Variants in FRMPD4 observed in about 807,000 individuals in gnomAD.
FRMPD4 encodes FERM and PDZ domain-containing protein 4.
In FRMPD4, 22 loss-of-function variants were observed where a neutral mutation model predicts 94.1. The observed-to-expected ratio is 0.23, with a 90% CI of 0.17 to 0.33. The LOEUF is 0.33. Among genes scored for constraint, FRMPD4 ranks in the 10% least tolerant of loss-of-function variants. FRMPD4 has a pLI of 1.00. For synonymous variants in FRMPD4, 631 were observed against 548.6 expected (o/e 1.15, Z -2.10); for missense variants, 1,111 against 1,339.9 (o/e 0.83, Z 2.67).
chrX:11,874,264 C>T (rs2053771348), intron 2 of FRMPD4, among the ~76,000 whole-genome samples: 1 of 112,055 alleles, frequency 8.9e-6, no homozygotes, highest in Non-Finnish European at 1.9e-5. Context: ...GATCCTCCTG[C>T]CACAGCCCCT....
intron 1 of FRMPD4, among the ~76,000 whole-genome samples, chrX:12,450,170 A>AAATC (rs988056761): frequency 2.7e-5 from 3 of 111,152 alleles, no homozygotes; most frequent in Non-Finnish European, 3.8e-5. Flanking sequence ...TAATAAAAAG[A>AAATC]AATCATAGGG....
intron 1 of FRMPD4, among the ~76,000 whole-genome samples, chrX:11,827,605 A>G (rs891804684): frequency 2.7e-5 from 3 of 111,607 alleles, no homozygotes; most frequent in African/African-American, 9.8e-5. Context: ...ACTTCCAATC[A>G]CAACTGGATA....
intron 3 of FRMPD4, among the ~76,000 whole-genome samples, chrX:12,035,176 A>T (rs2054713798): frequency 1.8e-5 from 2 of 112,226 alleles, no homozygotes; most frequent in Non-Finnish European, 3.8e-5. Flanking sequence ...GTGATTCTCA[A>T]TGTAGGAAAT....
At chrX:12,554,675 G>A (rs1011160378) in intron 2 of FRMPD4, among the ~76,000 whole-genome samples, 4 of 111,579 alleles carry the variant, frequency 3.6e-5, no homozygotes, top group African/African-American at 1.3e-4. Context: ...ACAGTGGCAC[G>A]ATCAATAACT....
chrX:11,857,268 G>A (rs1156269164), intron 1 of FRMPD4, among the ~76,000 whole-genome samples: 2 of 111,314 alleles, frequency 1.8e-5, no homozygotes, highest in East Asian at 5.6e-4. Context: ...TAAGCAAAAA[G>A]AACAAAGCTG....
At chrX:12,040,080 C>T (rs2054744573) in intron 3 of FRMPD4, among the ~76,000 whole-genome samples, 1 of 110,364 alleles carries the variant, frequency 9.1e-6, no homozygotes, top group Non-Finnish European at 1.9e-5. Flanking sequence ...TCGTCTAAGT[C>T]TTCTACATCT....
intron 3 of FRMPD4, among the ~76,000 whole-genome samples, chrX:12,063,046 C>T (rs1047335939): frequency 8.9e-6 from 1 of 111,916 alleles, no homozygotes; most frequent in Non-Finnish European, 1.9e-5. Context: ...GTGATGTTTA[C>T]CATAGATTTC....
chrX:12,443,929 T>C (rs1424811908), intron 1 of FRMPD4, among the ~76,000 whole-genome samples: 2 of 111,948 alleles, frequency 1.8e-5, no homozygotes, highest in African/African-American at 3.2e-5. Flanking sequence ...TTTGCGTCAT[T>C]TCTCTACTTT....
chrX:12,269,052 GT>G (rs2147841053), intron 1 of FRMPD4, among the ~76,000 whole-genome samples: 1 of 112,104 alleles, frequency 8.9e-6, no homozygotes, highest in Non-Finnish European at 1.9e-5. Context: ...AGAGTGAGAG[GT>G]AAAATTTGAC....
intron 1 of FRMPD4, among the ~76,000 whole-genome samples, chrX:12,202,507 A>G (rs1423088818): frequency 8.9e-6 from 1 of 112,278 alleles, no homozygotes. Flanking sequence ...TATCTCCAAC[A>G]ATGCTGAGTA....
At chrX:12,551,766 G>A (rs1051290980) in intron 2 of FRMPD4, among the ~76,000 whole-genome samples, 13 of 110,809 alleles carry the variant, frequency 1.2e-4, no homozygotes, top group Admixed American at 3.9e-4. Context: ...TATTTCATTG[G>A]TGGTATTGAG....
intron 1 of FRMPD4, among the ~76,000 whole-genome samples, chrX:12,366,455 G>A (rs774879626): frequency 9.0e-6 from 1 of 111,400 alleles, no homozygotes; most frequent in African/African-American, 3.3e-5. Flanking sequence ...GCAGTGCAGA[G>A]GGTGGACTGG....
intron 1 of FRMPD4, among the ~76,000 whole-genome samples, chrX:11,839,179 T>G (rs2053518643): frequency 1.8e-5 from 2 of 111,625 alleles, no homozygotes; most frequent in Admixed American, 1.9e-4. Context: ...ACTGCCAAAT[T>G]GTTTTTACAA....
At chrX:12,695,861 C>T (rs1220793195) in intron 9 of FRMPD4, among the ~76,000 whole-genome samples, 2 of 111,444 alleles carry the variant, frequency 1.8e-5, no homozygotes, top group African/African-American at 3.3e-5. Flanking sequence ...CTCAGCCTCC[C>T]GAGTAGCTGG....
chrX:11,833,903 ACT>A (rs2053488317), intron 1 of FRMPD4, among the ~76,000 whole-genome samples: 1 of 111,467 alleles, frequency 9.0e-6, no homozygotes, highest in Admixed American at 9.6e-5. Flanking sequence ...ACCTTGGAGT[ACT>A]CTGTGATCCA....
chrX:12,084,310 GCCA>G (rs754427922), intron 3 of FRMPD4, among the ~76,000 whole-genome samples: 22 of 110,602 alleles, frequency 2.0e-4, no homozygotes, highest in Non-Finnish European at 4.2e-4. Flanking sequence ...TTCTCTTGCT[GCCA>G]CCATGTAAGA....
chrX:12,071,954 G>A (rs1160348538), intron 3 of FRMPD4, among the ~76,000 whole-genome samples: 4 of 111,461 alleles, frequency 3.6e-5, no homozygotes, highest in African/African-American at 1.3e-4. Flanking sequence ...AGTTTACCAC[G>A]TCTGACATCA....
At chrX:12,062,554 A>G (rs1337496322) in intron 3 of FRMPD4, among the ~76,000 whole-genome samples, 1 of 111,190 alleles carries the variant, frequency 9.0e-6, no homozygotes, top group Non-Finnish European at 1.9e-5. Context: ...CAGTGGCGCA[A>G]TCTCGGCTCA....
intron 1 of FRMPD4, among the ~76,000 whole-genome samples, chrX:12,253,214 G>T (rs2054067691): frequency 8.9e-6 from 1 of 112,073 alleles, no homozygotes; most frequent in Non-Finnish European, 1.9e-5. Flanking sequence ...ATAGGAGGAG[G>T]AAAGTTACGA....
Sources: allele counts gnomAD v4.1 joint callset (sites outside exome capture counted in the v4.1 genomes callset), GRCh38; gene constraint gnomAD v4.1.1; transcripts MANE v1.5; gene names NCBI Gene and HGNC (gene_info 2026-07-23, HGNC 2026-07-21).